ZNF25: variants seen among roughly 807,000 people sequenced by gnomAD.
ZNF25 encodes the protein zinc finger protein 25 (KOX 19).
Under a neutral mutation model 30.9 loss-of-function variants are expected in ZNF25, and 21 were observed. The ratio of observed to expected loss-of-function variants is 0.68; its 90% confidence interval spans 0.48 to 0.98. The LOEUF is 0.98. ZNF25 is among the 50% of genes least tolerant of loss of function. The pLI, the probability that ZNF25 is intolerant of heterozygous loss-of-function variation, is 0.00. For synonymous variants in ZNF25, 169 were observed against 181.3 expected (o/e 0.93, Z 0.55); for missense variants, 501 against 529.9 (o/e 0.95, Z 0.54).
chr10:37,951,562 T>C lies in ZNF25; in HGVS notation c.*565A>G, dbSNP rs967940081. ...TCAGTACAAATTATTTGAATTTTTA[T>C]TGAACACCTTCCAAATATTTAAAAT... On this transcript the variant is annotated 3_prime_UTR_variant, in exon 6 of 6. Coordinates refer to ENST00000302609, the MANE Select transcript of ZNF25 (RefSeq NM_145011.4). 2 of 152,282 alleles carry C rather than the reference T, an allele frequency of 1.3e-5. No individual in the cohort carries two copies. The highest frequency in any genetic ancestry group is 4.8e-5 in the African/African-American group (2 of 41,472). The allele number at this position is 152,282 out of a possible 1,614,324, so 9.4% of individuals were successfully genotyped here.
intron 2 of ZNF25, among the ~76,000 whole-genome samples, chr10:37,970,259 T>C (rs1023769227): frequency 2.6e-5 from 4 of 152,164 alleles, no homozygotes; most frequent in African/African-American, 7.2e-5. Flanking sequence ...AATTCAGCAA[T>C]ATATAAAAAT....
At chr10:37,961,106 C>T (rs998551214) in intron 2 of ZNF25, among the ~76,000 whole-genome samples, 1 of 151,984 alleles carries the variant, frequency 6.6e-6, no homozygotes, top group African/African-American at 2.4e-5. Flanking sequence ...CAGTATAAAC[C>T]AAGAGCTGAT....
chr10:37,957,138 A>T, intron 3 of ZNF25, 23 bp from the exon 4 acceptor site: 1 of 1,595,990 alleles, frequency 6.3e-7, no homozygotes, highest in Non-Finnish European at 8.6e-7. Flanking sequence ...AATATCAAGG[A>T]AATGATACAA....
rs890518310 is a variant in ZNF25 at position 37,949,730 on chromosome 10, C to T, written c.*2397G>A. 6.6e-6 allele frequency: 1 copy of T among 152,310 alleles called. No homozygotes were observed. The highest frequency in any genetic ancestry group is 2.4e-5 in the African/African-American group (1 of 41,348). 9.4% of individuals were successfully genotyped at this position (152,310 alleles called of 1,614,324 possible). A position where few individuals can be genotyped will look rare whatever the true frequency, so the allele number is the denominator to read the frequency against. ...TTGTAAGTTTTTTGTTATTGGGTTA[C>T]GTTAGCTAAGTATGACTTACCAATG... On this transcript the variant is annotated 3_prime_UTR_variant, in exon 6 of 6. Transcript: ENST00000302609.
intron 2 of ZNF25, among the ~76,000 whole-genome samples, chr10:37,961,865 G>A (rs1210561013): frequency 6.9e-6 from 1 of 143,988 alleles, no homozygotes; most frequent in African/African-American, 2.6e-5. Flanking sequence ...ATGTTGTGGT[G>A]AGCCGAGATC....
Position 37,950,566 on chromosome 10 carries a change from A to AT in ZNF25, c.*1560dup, listed in dbSNP as rs34503699. On this transcript the variant is annotated 3_prime_UTR_variant, in exon 6 of 6. Coordinates refer to ENST00000302609, the MANE Select transcript of ZNF25 (RefSeq NM_145011.4). Reference sequence around the variant, plus strand: ...GGGGAATGAATGTTGGGTAGCCAACATTTTTTTTTTTTTTGCAGCGTAATT... The same window carrying AT: ...GGGGAATGAATGTTGGGTAGCCAACATTTTTTTTTTTTTTTGCAGCGTAATT... 0.062 allele frequency: 9,080 copies of AT among 146,576 alleles called. 339 individuals are homozygous for AT. Among genetic ancestry groups the AT allele is most frequent in the Middle Eastern group, 0.097 (28 of 290 alleles). The allele number at this position is 146,576 out of a possible 1,614,324, so 9.1% of individuals were successfully genotyped here. A position where few individuals can be genotyped will look rare whatever the true frequency, so the allele number is the denominator to read the frequency against.
chr10:37,958,604 C>A (rs1334058457), intron 2 of ZNF25, among the ~76,000 whole-genome samples: 2 of 152,078 alleles, frequency 1.3e-5, no homozygotes, highest in Admixed American at 1.3e-4. Context: ...TAATACATAC[C>A]TTTGCATGTA....
In ZNF25 at chr10:37,952,854, G is replaced by A. The variant is rs768385765; in HGVS notation, c.644C>T (p.Pro215Leu). 6.2e-7 allele frequency: 1 copy of A among 1,614,084 alleles called. No homozygotes were observed. Among genetic ancestry groups the A allele is most frequent in the Non-Finnish European group, 8.5e-7 (1 of 1,179,986 alleles). The stretch of plus-strand genomic sequence containing the variant: ...TGTTTTCTGATGTTCTGTGAGATGT[G>A]GTTTCTGGTAGAAGGATTTTTCACA... ...NQCEKSFYQK[P>L]HLTEHQKTHT... Residue 215 changes from proline to leucine, a missense_variant, in exon 6 of 6, where the codon CCA becomes CTA. Transcript: ENST00000302609.
intron 2 of ZNF25, among the ~76,000 whole-genome samples, chr10:37,969,225 A>T (rs2063352954): frequency 6.6e-6 from 1 of 152,212 alleles, no homozygotes; most frequent in Non-Finnish European, 1.5e-5. Context: ...AGTTCCTCAA[A>T]AAGTTAAACA....
At position 37,950,802 on chromosome 10, in the gene ZNF25, C is replaced by T. The variant is rs1287830711; in HGVS notation, c.*1325G>A. ...GGAATCGGGGCCCAGGCAGCAGGAGCCCAGAGTCCACACCCTTAACTATGC... is the reference window on the plus strand; with the variant it reads ...GGAATCGGGGCCCAGGCAGCAGGAGTCCAGAGTCCACACCCTTAACTATGC... On this transcript the variant is annotated 3_prime_UTR_variant, in exon 6 of 6. Coordinates refer to ENST00000302609, the MANE Select transcript of ZNF25 (RefSeq NM_145011.4). The T allele has an allele frequency of 6.6e-6, 1 of 152,066 alleles. No homozygotes were observed. The highest frequency in any genetic ancestry group is 1.5e-5 in the Non-Finnish European group (1 of 68,034). 9.4% of individuals were successfully genotyped at this position (152,066 alleles called of 1,614,324 possible).
At chr10:37,969,620 C>G (rs1274282827) in intron 2 of ZNF25, among the ~76,000 whole-genome samples, 1 of 152,080 alleles carries the variant, frequency 6.6e-6, no homozygotes, top group Non-Finnish European at 1.5e-5. Context: ...GGAGAGAGAA[C>G]AGGGAATGAC....
At chr10:37,960,077 G>A (rs1223357408) in intron 2 of ZNF25, among the ~76,000 whole-genome samples, 1 of 152,096 alleles carries the variant, frequency 6.6e-6, no homozygotes, top group East Asian at 1.9e-4. Context: ...ACCATGCTCG[G>A]CTAATTTTTT....
chr10:37,959,655 G>C (rs2062735443), intron 2 of ZNF25, among the ~76,000 whole-genome samples: 1 of 151,908 alleles, frequency 6.6e-6, no homozygotes. Context: ...TGTCTCCCAG[G>C]CTGGAGTGCA....
intron 4 of ZNF25, among the ~76,000 whole-genome samples, chr10:37,954,687 T>A (rs2062403242): frequency 6.6e-6 from 1 of 152,186 alleles, no homozygotes; most frequent in Non-Finnish European, 1.5e-5. Context: ...TTGAACATCA[T>A]TCTAGAATCT....
chr10:37,959,781 TGTATTTTTA>T (rs1240080183), intron 2 of ZNF25, among the ~76,000 whole-genome samples: 1 of 151,208 alleles, frequency 6.6e-6, no homozygotes, highest in Non-Finnish European at 1.5e-5. Flanking sequence ...GGCTAATTTT[TGTATTTTTA>T]GTAGAGATGC....
At chr10:37,960,801 T>C (rs532467709) in intron 2 of ZNF25, among the ~76,000 whole-genome samples, 12 of 152,052 alleles carry the variant, frequency 7.9e-5, no homozygotes, top group African/African-American at 2.7e-4. Context: ...ACAGCTGTAG[T>C]TCAAAATCCA....
intron 2 of ZNF25, among the ~76,000 whole-genome samples, chr10:37,957,956 G>T (rs956637889): frequency 9.2e-5 from 14 of 152,166 alleles, no homozygotes; most frequent in African/African-American, 3.4e-4. Context: ...ACACTGTACA[G>T]GTTTGTAGCC....
chr10:37,955,595 A>G (rs565717205), intron 4 of ZNF25, among the ~76,000 whole-genome samples: 33 of 152,332 alleles, frequency 2.2e-4, no homozygotes, highest in African/African-American at 7.5e-4. Flanking sequence ...CATTGGCTTT[A>G]AGAATGGATG....
chr10:37,955,883 C>T (rs1018622329), intron 4 of ZNF25, among the ~76,000 whole-genome samples: 6 of 152,234 alleles, frequency 3.9e-5, no homozygotes, highest in African/African-American at 1.4e-4. Flanking sequence ...AGGGTTTCAC[C>T]ATGTTGGCCA....
Sources: gnomAD v4.1 joint callset for allele counts (sites outside exome capture counted in the v4.1 genomes callset) on GRCh38, gnomAD v4.1.1 for gene constraint, MANE v1.5 for transcripts, NCBI Gene and HGNC (gene_info 2026-07-23, HGNC 2026-07-21) for gene names.